UNC13C: variants seen among roughly 807,000 people sequenced by gnomAD.
UNC13C encodes unc-13 homolog C.
In UNC13C, 174 loss-of-function variants were observed where a neutral mutation model predicts 245.4. That is an observed-to-expected ratio of 0.71 (90% confidence interval 0.63 to 0.80). UNC13C has a LOEUF of 0.80. Among genes scored for constraint, UNC13C ranks in the 30% least tolerant of loss-of-function variants. UNC13C has a pLI of 0.00. For synonymous variants in UNC13C, 992 were observed against 895.1 expected (o/e 1.11, Z -1.93); for missense variants, 2,829 against 2,602.9 (o/e 1.09, Z -1.89).
rs372601490 is a variant in UNC13C at position 54,203,528 on chromosome 15, G to GTA, written c.3072-31491_3072-31490dup. Among the ~76,000 whole-genome samples, 177 of 140,550 alleles carry GTA rather than the reference G, an allele frequency of 1.3e-3. 1 individual carries two copies. Among genetic ancestry groups the GTA allele is most frequent in the Middle Eastern group, 4.3e-3 (1 of 230 alleles). 92.2% of individuals were successfully genotyped at this position (140,550 alleles called of 152,430 possible). ...TACACACACACACACACATATATAT[G>GTA]TATATATATATACACCTATATATAT... On this transcript the variant is annotated intron_variant, in intron 4 of 32. Transcript: ENST00000260323.
chr15:54,179,035 C>G (rs919259557), intron 4 of UNC13C, among the ~76,000 whole-genome samples: 2 of 152,068 alleles, frequency 1.3e-5, no homozygotes, highest in African/African-American at 4.8e-5. Flanking sequence ...TACCAGTTTC[C>G]GAAGAGGAAG....
At chr15:54,049,560 T>C in intron 2 of UNC13C, 1 of 271,762 alleles carries the variant, frequency 3.7e-6, no homozygotes, top group Non-Finnish European at 7.3e-6. Context: ...ACCTGTATGG[T>C]CCTTCTTTTA....
intron 4 of UNC13C, among the ~76,000 whole-genome samples, chr15:54,175,617 A>T (rs531621372): frequency 2.5e-4 from 36 of 146,742 alleles, no homozygotes; most frequent in African/African-American, 7.3e-4. Flanking sequence ...GGTTCACGCC[A>T]TTCTCCTGCC....
At chr15:54,365,347 G>T (rs957924792) in intron 17 of UNC13C, among the ~76,000 whole-genome samples, 1 of 152,050 alleles carries the variant, frequency 6.6e-6, no homozygotes, top group East Asian at 1.9e-4. Flanking sequence ...TATTGCACAA[G>T]GTCCCTGAAT....
chr15:54,570,199 C>T (rs1367027025), intron 30 of UNC13C, among the ~76,000 whole-genome samples: 1 of 152,166 alleles, frequency 6.6e-6, no homozygotes, highest in East Asian at 1.9e-4. Context: ...ATATCAATTC[C>T]TGTCAGTGTC....
intron 19 of UNC13C, among the ~76,000 whole-genome samples, chr15:54,480,304 T>G (rs1434504536): frequency 6.6e-6 from 1 of 151,482 alleles, no homozygotes; most frequent in African/African-American, 2.4e-5. Flanking sequence ...TATAAAATGG[T>G]TTTCTATTCC....
intron 4 of UNC13C, among the ~76,000 whole-genome samples, chr15:54,199,594 C>T (rs565730999): frequency 5.3e-5 from 8 of 152,188 alleles, no homozygotes; most frequent in African/African-American, 1.9e-4. Context: ...CAAAGCTAGG[C>T]TTCACAAATG....
At chr15:54,529,181 G>A (rs1376564894) in intron 25 of UNC13C, among the ~76,000 whole-genome samples, 1 of 152,142 alleles carries the variant, frequency 6.6e-6, no homozygotes, top group East Asian at 1.9e-4. Context: ...AGAAATCCAA[G>A]AATTCAGGAG....
intron 19 of UNC13C, among the ~76,000 whole-genome samples, chr15:54,451,368 G>GTT (rs1337502653): frequency 6.6e-6 from 1 of 151,646 alleles, no homozygotes; most frequent in Non-Finnish European, 1.5e-5. Context: ...TGTTAAATAG[G>GTT]TTTTTTTTAT....
At chr15:54,372,877 C>A (rs553295700) in intron 17 of UNC13C, among the ~76,000 whole-genome samples, 1 of 152,158 alleles carries the variant, frequency 6.6e-6, no homozygotes, top group Non-Finnish European at 1.5e-5. Flanking sequence ...AGGTGACAAT[C>A]GAGTTAGTCA....
intron 4 of UNC13C, among the ~76,000 whole-genome samples, chr15:54,201,050 A>T (rs1487513744): frequency 6.6e-6 from 1 of 152,040 alleles, no homozygotes; most frequent in East Asian, 1.9e-4. Context: ...ATGCACATAA[A>T]CTAGAAAACC....
intron 2 of UNC13C, among the ~76,000 whole-genome samples, chr15:54,063,965 A>G (rs1295074168): frequency 6.6e-6 from 1 of 152,220 alleles, no homozygotes; most frequent in African/African-American, 2.4e-5. Flanking sequence ...TTGACACCCA[A>G]GAATTTCTAA....
chr15:54,293,840 A>T lies in UNC13C; in HGVS notation c.3819-55A>T, dbSNP rs1014614008. Reference sequence around the variant, plus strand: ...GATAGAAAATAAAGTACTAACATCAAATGGAATTTAGAGCAGTTTTCAATT... The same window carrying T: ...GATAGAAAATAAAGTACTAACATCATATGGAATTTAGAGCAGTTTTCAATT... On this transcript the variant is annotated intron_variant, in intron 10 of 32. Coordinates refer to ENST00000260323, the MANE Select transcript of UNC13C (RefSeq NM_001080534.3). 27 of 1,396,422 alleles carry T rather than the reference A, an allele frequency of 1.9e-5. No individual in the cohort carries two copies. The African/African-American group carries it at 3.7e-4, about 19-fold the overall frequency. 86.5% of individuals were successfully genotyped at this position (1,396,422 alleles called of 1,614,324 possible). A position where few individuals can be genotyped will look rare whatever the true frequency, so the allele number is the denominator to read the frequency against.
intron 19 of UNC13C, among the ~76,000 whole-genome samples, chr15:54,430,721 C>T (rs1266776988): frequency 6.6e-6 from 1 of 151,666 alleles, no homozygotes; most frequent in Non-Finnish European, 1.5e-5. Context: ...GAATTTAAAA[C>T]ACATTTTGTT....
intron 13 of UNC13C, chr15:54,321,113 G>C (rs1306639181): frequency 3.9e-6 from 2 of 512,206 alleles, no homozygotes; most frequent in Non-Finnish European, 7.7e-6. Context: ...CTTCAACTGG[G>C]TGAGGCACTA....
At chr15:54,244,320 C>A (rs59907889) in intron 7 of UNC13C, among the ~76,000 whole-genome samples, 3,853 of 152,232 alleles carry the variant, frequency 0.025, 159 homozygotes, top group African/African-American at 0.088. Flanking sequence ...TATTCCATTT[C>A]ATTAGTCTAT....
the UNC13C span, among the ~76,000 whole-genome samples, chr15:53,883,034 A>G: frequency 1.3e-5 from 2 of 152,120 alleles, no homozygotes; most frequent in East Asian, 3.9e-4. Flanking sequence ...CACATCCCGC[A>G]CATGTACCCC....
chr15:53,901,114 A>G, the UNC13C span, among the ~76,000 whole-genome samples: 1 of 151,886 alleles, frequency 6.6e-6, no homozygotes. Context: ...TTAATTTATT[A>G]TATTCGATTA....
chr15:54,346,918 G>T (rs1387198199), intron 17 of UNC13C, among the ~76,000 whole-genome samples: 1 of 152,026 alleles, frequency 6.6e-6, no homozygotes, highest in Non-Finnish European at 1.5e-5. Flanking sequence ...GAGAACAAAC[G>T]ATAGTTTCTT....
Sources: allele counts gnomAD v4.1 joint callset (sites outside exome capture counted in the v4.1 genomes callset), GRCh38; gene constraint gnomAD v4.1.1; transcripts MANE v1.5; gene names NCBI Gene and HGNC (gene_info 2026-07-23, HGNC 2026-07-21).